Variants in ADAMTS3 observed in about 807,000 individuals in gnomAD.
The protein encoded by ADAMTS3 is ADAM metallopeptidase with thrombospondin type 1 motif 3.
A neutral mutation model predicts 129.0 loss-of-function variants in ADAMTS3; 73 were observed. The ratio of observed to expected loss-of-function variants is 0.57; its 90% CI spans 0.47 to 0.69. The LOEUF (loss-of-function observed/expected upper bound fraction) is 0.69, where lower values mean the gene tolerates loss of function less well. Ranked by LOEUF, ADAMTS3 falls within the 30% of genes least tolerant of loss-of-function variation. The pLI is 0.00. For missense variants in ADAMTS3, 1,457 were observed against 1,514.5 expected (o/e 0.96, Z 0.63); for synonymous variants, 477 against 510.8 (o/e 0.93, Z 0.89).
chr4:72,495,404 G>A (rs915962466), intron 3 of ADAMTS3, among the ~76,000 whole-genome samples: 1 of 152,098 alleles, frequency 6.6e-6, no homozygotes, highest in Non-Finnish European at 1.5e-5. Flanking sequence ...CTCAGATGGG[G>A]TGGGGTTCAA....
intron 4 of ADAMTS3, among the ~76,000 whole-genome samples, chr4:72,407,829 T>C (rs1238435874): frequency 1.3e-5 from 2 of 151,106 alleles, no homozygotes; most frequent in Admixed American, 6.7e-5. Flanking sequence ...ATTTTTTTCA[T>C]ATACTTAGTA....
chr4:72,407,804 TCAG>T (rs1266858954), intron 4 of ADAMTS3, among the ~76,000 whole-genome samples: 1 of 152,132 alleles, frequency 6.6e-6, no homozygotes, highest in Non-Finnish European at 1.5e-5. Flanking sequence ...TTCTTTTCAT[TCAG>T]ACTTGTAAAA....
intron 15 of ADAMTS3, among the ~76,000 whole-genome samples, chr4:72,308,283 G>A (rs1300161770): frequency 6.6e-6 from 1 of 151,698 alleles, no homozygotes; most frequent in Non-Finnish European, 1.5e-5. Flanking sequence ...TATAACACAG[G>A]AATAGCAAAG....
At chr4:72,476,160 C>G (rs1033709885) in intron 3 of ADAMTS3, among the ~76,000 whole-genome samples, 3 of 151,446 alleles carry the variant, frequency 2.0e-5, no homozygotes, top group Non-Finnish European at 4.4e-5. Flanking sequence ...AAGAAAAAAT[C>G]AATAGAGAAA....
intron 15 of ADAMTS3, 137 bp downstream of exon 15, chr4:72,309,260 G>C: frequency 2.5e-6 from 2 of 794,354 alleles, no homozygotes; most frequent in Non-Finnish European, 3.8e-6. Context: ...TCCTTAAAAG[G>C]TAATCTGAAT....
intron 3 of ADAMTS3, among the ~76,000 whole-genome samples, chr4:72,485,161 T>C (rs1578724933): frequency 1.3e-5 from 2 of 152,198 alleles, no homozygotes; most frequent in South Asian, 2.1e-4. Context: ...CAACAAACAC[T>C]AAAACATGGA....
intron 4 of ADAMTS3, among the ~76,000 whole-genome samples, chr4:72,408,020 C>T (rs1722093654): frequency 6.6e-6 from 1 of 151,998 alleles, no homozygotes; most frequent in South Asian, 2.1e-4. Flanking sequence ...AGACAGGTTA[C>T]AGTTGAAAAT....
chr4:72,423,452 C>T (rs1041941727), intron 3 of ADAMTS3, among the ~76,000 whole-genome samples: 3 of 152,036 alleles, frequency 2.0e-5, no homozygotes, highest in African/African-American at 7.2e-5. Context: ...TGTGAATCAC[C>T]GTTTCACTGT....
chr4:72,439,487 T>C (rs1718055299), intron 3 of ADAMTS3, among the ~76,000 whole-genome samples: 2 of 151,724 alleles, frequency 1.3e-5, no homozygotes, highest in Admixed American at 1.3e-4. Context: ...TTTTCCTTTT[T>C]TTAAGATGAA....
intron 3 of ADAMTS3, among the ~76,000 whole-genome samples, chr4:72,491,909 C>G (rs73825553): frequency 0.038 from 5,731 of 151,726 alleles, 344 homozygotes; most frequent in African/African-American, 0.13. Flanking sequence ...TCATTGTTGG[C>G]AGATTTTTCA....
intron 10 of ADAMTS3, among the ~76,000 whole-genome samples, chr4:72,318,045 AAGCGTT>A (rs1719447856): frequency 1.3e-5 from 2 of 151,934 alleles, no homozygotes; most frequent in Non-Finnish European, 2.9e-5. Context: ...AAAAAAAAGA[AAGCGTT>A]AGATCCAGGA....
chr4:72,567,453 TCA>T, intron 1 of ADAMTS3, 52 bp from the exon 2 acceptor site: 1 of 1,569,204 alleles, frequency 6.4e-7, no homozygotes, highest in Non-Finnish European at 8.8e-7. Context: ...TTTCATCTTA[TCA>T]CCTTGTGAGT....
intron 3 of ADAMTS3, among the ~76,000 whole-genome samples, chr4:72,420,731 C>A (rs1286934656): frequency 6.6e-6 from 1 of 152,086 alleles, no homozygotes; most frequent in South Asian, 2.1e-4. Context: ...GAAAAAACAA[C>A]AAAGAAGGAA....
chr4:72,469,251 G>T (rs1345471964), intron 3 of ADAMTS3, among the ~76,000 whole-genome samples: 2 of 152,088 alleles, frequency 1.3e-5, no homozygotes, highest in African/African-American at 2.4e-5. Flanking sequence ...CCAAGAGGCT[G>T]GTGAATACAG....
intron 3 of ADAMTS3, among the ~76,000 whole-genome samples, chr4:72,519,856 T>C (rs200479113): frequency 6.6e-6 from 1 of 152,214 alleles, no homozygotes; most frequent in Non-Finnish European, 1.5e-5. Flanking sequence ...TCATTCTCCA[T>C]CCAGCTTTGT....
intron 4 of ADAMTS3, among the ~76,000 whole-genome samples, chr4:72,371,156 T>G (rs947948247): frequency 6.6e-6 from 1 of 152,092 alleles, no homozygotes; most frequent in African/African-American, 2.4e-5. Context: ...GAACCAACTC[T>G]GCTGACATTT....
chr4:72,509,154 G>A (rs1047188493), intron 3 of ADAMTS3, among the ~76,000 whole-genome samples: 1 of 151,602 alleles, frequency 6.6e-6, no homozygotes, highest in Non-Finnish European at 1.5e-5. Context: ...ATAGCTATAA[G>A]TGTCTACATC....
intron 4 of ADAMTS3, among the ~76,000 whole-genome samples, chr4:72,392,940 T>C (rs1721637146): frequency 6.6e-6 from 1 of 151,524 alleles, no homozygotes; most frequent in Admixed American, 6.6e-5. Context: ...CTTTTTTTTT[T>C]TCTGAGATGG....
At chr4:72,301,356 C>G (rs1282170604) in intron 17 of ADAMTS3, among the ~76,000 whole-genome samples, 1 of 152,010 alleles carries the variant, frequency 6.6e-6, no homozygotes, top group South Asian at 2.1e-4. Flanking sequence ...AACCTATGGA[C>G]TGGAATAAAA....
Sources: allele counts gnomAD v4.1 joint callset (sites outside exome capture counted in the v4.1 genomes callset), GRCh38; gene constraint gnomAD v4.1.1; transcripts MANE v1.5; gene names NCBI Gene and HGNC (gene_info 2026-07-23, HGNC 2026-07-21).